SOX5: variants seen among roughly 807,000 people sequenced by gnomAD.
The protein encoded by SOX5 is transcription factor SOX-5.
Under a neutral mutation model 92.0 loss-of-function variants are expected in SOX5, and 9 were observed. The ratio of observed to expected loss-of-function variants is 0.10; its 90% confidence interval spans 0.06 to 0.17. The LOEUF (loss-of-function observed/expected upper bound fraction) is 0.17, where lower values mean the gene tolerates loss of function less well. SOX5 is among the 10% of genes least tolerant of loss of function. SOX5 has a pLI of 1.00. For missense variants in SOX5, 642 were observed against 944.5 expected (o/e 0.68, Z 4.20); for synonymous variants, 344 against 336.3 (o/e 1.02, Z -0.25).
chr12:23,834,617 C>T (rs2096383828), intron 3 of SOX5, among the ~76,000 whole-genome samples: 1 of 151,886 alleles, frequency 6.6e-6, no homozygotes, highest in Admixed American at 6.6e-5. Flanking sequence ...ATTCTTTTCA[C>T]AAATATTTCA....
intron 1 of SOX5, among the ~76,000 whole-genome samples, chr12:24,499,436 C>T (rs1026557928): frequency 6.6e-6 from 1 of 152,114 alleles, no homozygotes; most frequent in Non-Finnish European, 1.5e-5. Context: ...CTATGCGCAC[C>T]GCAAGGAAAG....
intron 3 of SOX5, among the ~76,000 whole-genome samples, chr12:24,216,684 A>G (rs950433662): frequency 6.6e-6 from 1 of 152,178 alleles, no homozygotes; most frequent in Non-Finnish European, 1.5e-5. Context: ...GCACTTTGGG[A>G]GACCAAGAAG....
At chr12:24,339,162 G>GCC (rs764645360) in intron 2 of SOX5, among the ~76,000 whole-genome samples, 14 of 30,780 alleles carry the variant, frequency 4.5e-4, no homozygotes, top group South Asian at 1.1e-3. Flanking sequence ...CTCTCTCTCT[G>GCC]CCACACACAC....
intron 6 of SOX5, among the ~76,000 whole-genome samples, chr12:23,682,889 T>C (rs1484611505): frequency 1.3e-5 from 2 of 151,890 alleles, no homozygotes; most frequent in African/African-American, 4.8e-5. Context: ...AGTAGTTGAA[T>C]ATAATTTTGA....
intron 4 of SOX5, among the ~76,000 whole-genome samples, chr12:24,142,860 A>G (rs1185035695): frequency 6.6e-6 from 1 of 150,546 alleles, no homozygotes; most frequent in Non-Finnish European, 1.5e-5. Context: ...CTACTAGATA[A>G]GACAAACCTG....
At chr12:24,359,515 T>A (rs188846236) in intron 2 of SOX5, among the ~76,000 whole-genome samples, 1 of 152,228 alleles carries the variant, frequency 6.6e-6, no homozygotes, top group Admixed American at 6.5e-5. Context: ...AAAATGGGCA[T>A]GGAGGAAGAA....
At chr12:23,762,812 T>C (rs147264610) in intron 3 of SOX5, among the ~76,000 whole-genome samples, 88 of 152,288 alleles carry the variant, frequency 5.8e-4, no homozygotes, top group Non-Finnish European at 9.0e-4. Flanking sequence ...CCATAATCAA[T>C]ATGGTATCAT....
intron 4 of SOX5, among the ~76,000 whole-genome samples, chr12:24,206,943 A>G (rs535566487): frequency 1.3e-5 from 2 of 152,332 alleles, no homozygotes; most frequent in Admixed American, 1.3e-4. Flanking sequence ...ACTGTGCCGA[A>G]CACCTGTGTC....
intron 3 of SOX5, among the ~76,000 whole-genome samples, chr12:23,782,170 A>C (rs537311837): frequency 6.6e-6 from 1 of 152,058 alleles, no homozygotes; most frequent in Non-Finnish European, 1.5e-5. Context: ...CAAACTATAG[A>C]GCTATAAGTA....
intron 4 of SOX5, among the ~76,000 whole-genome samples, chr12:23,743,800 C>T (rs761772784): frequency 6.6e-6 from 1 of 152,108 alleles, no homozygotes; most frequent in Non-Finnish European, 1.5e-5. Flanking sequence ...TATTTTGGAT[C>T]TGTGTTTGGC....
chr12:24,544,440 T>C (rs1322196767), intron 1 of SOX5, among the ~76,000 whole-genome samples: 2 of 152,180 alleles, frequency 1.3e-5, no homozygotes, highest in Non-Finnish European at 2.9e-5. Context: ...TGGAAGAACA[T>C]TCAAAAGCAT....
chr12:24,503,394 T>G (rs1313709619), intron 1 of SOX5, among the ~76,000 whole-genome samples: 1 of 152,190 alleles, frequency 6.6e-6, no homozygotes, highest in Non-Finnish European at 1.5e-5. Flanking sequence ...ATGAAATGAT[T>G]TGTTTACAAA....
intron 1 of SOX5, among the ~76,000 whole-genome samples, chr12:24,542,245 G>A (rs962654964): frequency 5.9e-5 from 9 of 152,128 alleles, no homozygotes; most frequent in African/African-American, 1.9e-4. Context: ...CCATTGCAGA[G>A]ATTTGTACGT....
At chr12:24,026,835 T>C (rs1344361998) in intron 4 of SOX5, among the ~76,000 whole-genome samples, 1 of 151,982 alleles carries the variant, frequency 6.6e-6, no homozygotes, top group African/African-American at 2.4e-5. Context: ...GACTTTGCCA[T>C]GATCGTGAAT....
chr12:24,204,327 A>ATCATTATT (rs33920840), intron 4 of SOX5, among the ~76,000 whole-genome samples: 1 of 149,888 alleles, frequency 6.7e-6, no homozygotes, highest in Admixed American at 6.7e-5. Flanking sequence ...TATTATTATT[A>ATCATTATT]ATTATTATTA....
chr12:23,593,936 G>GT (rs1485281995), intron 9 of SOX5, among the ~76,000 whole-genome samples: 1 of 152,032 alleles, frequency 6.6e-6, no homozygotes, highest in Non-Finnish European at 1.5e-5. Flanking sequence ...AAATTTGGGT[G>GT]TTTTTTCTTA....
At chr12:23,814,667 C>A (rs967254687) in intron 3 of SOX5, among the ~76,000 whole-genome samples, 1 of 152,132 alleles carries the variant, frequency 6.6e-6, no homozygotes, top group Non-Finnish European at 1.5e-5. Flanking sequence ...AACAGTCCCA[C>A]ATTTAGAAAA....
At chr12:24,268,987 T>C (rs907732659) in intron 3 of SOX5, among the ~76,000 whole-genome samples, 2 of 152,214 alleles carry the variant, frequency 1.3e-5, no homozygotes, top group African/African-American at 4.8e-5. Context: ...ATTTAGATGA[T>C]AGATTTGTCA....
chr12:24,251,456 T>C lies in SOX5; in HGVS notation c.-77+25760A>G, dbSNP rs181477857. On this transcript the variant is annotated intron_variant, in intron 3 of 4. Transcript: ENST00000446891. Reference sequence around the variant, plus strand: ...TTAATAAAATAGGTCCCATTTGCCTTATTTCTTAGGGTCAGACAGTCTATA... The same window carrying C: ...TTAATAAAATAGGTCCCATTTGCCTCATTTCTTAGGGTCAGACAGTCTATA... Among the ~76,000 whole-genome samples, 571 of 152,308 alleles carry C rather than the reference T, an allele frequency of 3.7e-3. 3 individuals carry two copies. Among genetic ancestry groups the C allele is most frequent in the South Asian group, 7.0e-3 (34 of 4,826 alleles).
Sources: allele counts gnomAD v4.1 joint callset (sites outside exome capture counted in the v4.1 genomes callset), GRCh38; gene constraint gnomAD v4.1.1; transcripts MANE v1.5; gene names NCBI Gene and HGNC (gene_info 2026-07-23, HGNC 2026-07-21).